Variants in CA10 observed in about 807,000 individuals in gnomAD.
CA10 encodes carbonic anhydrase 10 (inactive).
CA10 carries 14 observed loss-of-function variants against 44.2 expected under a neutral mutation model. That is an observed-to-expected ratio of 0.32 (90% CI 0.21 to 0.50). The LOEUF (loss-of-function observed/expected upper bound fraction) is 0.50. Ranked by LOEUF, CA10 falls within the 20% of genes least tolerant of loss-of-function variation. CA10 has a pLI of 0.99. For synonymous variants in CA10, 159 were observed against 141.6 expected, an observed-to-expected ratio of 1.12 and a Z score of -0.87; for missense variants, 350 against 409.7, an observed-to-expected ratio of 0.85 and a Z score of 1.26.
intron 2 of CA10, among the ~76,000 whole-genome samples, chr17:51,961,188 A>AACACACACACACACACACACAC (rs71149387): frequency 6.9e-6 from 1 of 145,004 alleles, no homozygotes; most frequent in East Asian, 2.0e-4. Flanking sequence ...TGTACACACA[A>AACACACACACACACACACACAC]ACACACACAC....
intron 2 of CA10, among the ~76,000 whole-genome samples, chr17:51,962,777 C>A (rs1257663720): frequency 1.3e-4 from 20 of 152,108 alleles, no homozygotes; most frequent in Admixed American, 6.6e-4. Flanking sequence ...GGGAAAAATC[C>A]TACACACAGT....
chr17:51,675,223 T>A (rs940049952), intron 4 of CA10, among the ~76,000 whole-genome samples: 3 of 152,184 alleles, frequency 2.0e-5, no homozygotes, highest in Non-Finnish European at 2.9e-5. Flanking sequence ...GTCATTATTC[T>A]GTATGGCCTG....
At chr17:52,005,861 T>A (rs985906076) in intron 2 of CA10, among the ~76,000 whole-genome samples, 36 of 151,718 alleles carry the variant, frequency 2.4e-4, no homozygotes, top group African/African-American at 8.5e-4. Flanking sequence ...GCTTTCAACA[T>A]CTGGTCATGG....
intron 1 of CA10, among the ~76,000 whole-genome samples, chr17:52,094,825 A>G (rs1313176526): frequency 6.6e-6 from 1 of 152,194 alleles, no homozygotes; most frequent in Admixed American, 6.5e-5. Flanking sequence ...ATTGGCAGGA[A>G]TGTGGTGCAA....
At chr17:51,765,691 CTGTGTGTGTG>C (rs61631215) in intron 3 of CA10, among the ~76,000 whole-genome samples, 11 of 140,284 alleles carry the variant, frequency 7.8e-5, no homozygotes, top group African/African-American at 2.4e-4. Context: ...AGGCAGCTCC[CTGTGTGTGTG>C]TGTGTGTGTG....
chr17:52,071,066 C>A (rs1987667776), intron 2 of CA10, among the ~76,000 whole-genome samples: 1 of 152,154 alleles, frequency 6.6e-6, no homozygotes, highest in Admixed American at 6.5e-5. Flanking sequence ...AAAGGGACAT[C>A]CTCAATTGTA....
chr17:51,832,264 A>G (rs1908310885), intron 3 of CA10, among the ~76,000 whole-genome samples: 2 of 152,228 alleles, frequency 1.3e-5, no homozygotes, highest in Non-Finnish European at 2.9e-5. Context: ...ATGATAAGCA[A>G]TAACTATTTT....
chr17:52,120,081 C>T (rs1028722375), intron 1 of CA10, among the ~76,000 whole-genome samples: 4 of 152,176 alleles, frequency 2.6e-5, no homozygotes, highest in African/African-American at 9.7e-5. Flanking sequence ...AGGGAGCTAA[C>T]CAAAGTCAAG....
At chr17:52,123,919 G>GT (rs980787660) in intron 1 of CA10, among the ~76,000 whole-genome samples, 3 of 152,092 alleles carry the variant, frequency 2.0e-5, no homozygotes, top group African/African-American at 7.2e-5. Flanking sequence ...TTGGGACCCT[G>GT]TTTAAAAAAA....
chr17:52,087,684 C>G (rs567832052), intron 1 of CA10, among the ~76,000 whole-genome samples: 12 of 152,062 alleles, frequency 7.9e-5, no homozygotes, highest in Non-Finnish European at 1.6e-4. Context: ...TTGTAATTAT[C>G]TTATACAGAA....
At chr17:52,111,694 C>T (rs372114727) in intron 1 of CA10, among the ~76,000 whole-genome samples, 8 of 151,796 alleles carry the variant, frequency 5.3e-5, no homozygotes, top group African/African-American at 1.9e-4. Flanking sequence ...TGGAGGAAAG[C>T]TTTTTGTAAA....
chr17:52,070,904 G>A (rs1371867236), intron 2 of CA10, among the ~76,000 whole-genome samples: 1 of 152,114 alleles, frequency 6.6e-6, no homozygotes, highest in African/African-American at 2.4e-5. Context: ...TACTAACTTA[G>A]CAAGACTTCT....
At chr17:52,138,639 A>T (rs768423815) in intron 1 of CA10, among the ~76,000 whole-genome samples, 2 of 152,234 alleles carry the variant, frequency 1.3e-5, no homozygotes, top group Non-Finnish European at 2.9e-5. Flanking sequence ...GGTTGGTAGC[A>T]GCAGTGTCCA....
At chr17:52,105,733 T>A (rs1183614583) in intron 1 of CA10, among the ~76,000 whole-genome samples, 1 of 152,262 alleles carries the variant, frequency 6.6e-6, no homozygotes, top group Admixed American at 6.5e-5. Flanking sequence ...ATTAACATGC[T>A]AAAGCATTTA....
chr17:51,700,095 C>A (rs1488861821), intron 4 of CA10, among the ~76,000 whole-genome samples: 1 of 152,116 alleles, frequency 6.6e-6, no homozygotes, highest in Admixed American at 6.5e-5. Context: ...GTAGGCTGCA[C>A]GATGCTGCAG....
intron 4 of CA10, 92 bp downstream of exon 4, chr17:51,747,541 T>A: frequency 2.9e-6 from 3 of 1,025,476 alleles, no homozygotes; most frequent in Non-Finnish European, 4.3e-6. Flanking sequence ...TTAGAGCGAA[T>A]CCCTTTGTTA....
chr17:51,864,650 C>T lies in CA10; in HGVS notation c.279+66340G>A, dbSNP rs956285008. 3.3e-5 allele frequency among the ~76,000 whole-genome samples: 5 copies of T among 152,180 alleles called. 1 individual carries two copies. Among genetic ancestry groups the T allele is most frequent in the African/African-American group, 1.2e-4 (5 of 41,438 alleles). On this transcript the variant is annotated intron_variant, in intron 3 of 8. Transcript: ENST00000451037. ...AGCTGAGGAAGTGAAACAGAAAACA[C>T]TGTGTAAGAAAATCAAATTCTTCTC...
chr17:51,739,049 T>G (rs1247199709), intron 4 of CA10, among the ~76,000 whole-genome samples: 1 of 152,106 alleles, frequency 6.6e-6, no homozygotes, highest in African/African-American at 2.4e-5. Flanking sequence ...AGATGGACAC[T>G]TGGAGTAGAC....
intron 2 of CA10, among the ~76,000 whole-genome samples, chr17:51,994,640 T>C (rs1799295597): frequency 9.0e-6 from 1 of 110,556 alleles, no homozygotes; most frequent in East Asian, 2.7e-4. Context: ...CTTGAGTATC[T>C]GATCTACACA....
Sources: gnomAD v4.1 joint callset for allele counts (sites outside exome capture counted in the v4.1 genomes callset) on GRCh38, gnomAD v4.1.1 for gene constraint, MANE v1.5 for transcripts, NCBI Gene and HGNC (gene_info 2026-07-23, HGNC 2026-07-21) for gene names.